The following OSBPL6 variants were observed in gnomAD, a reference collection of about 807,000 sequenced individuals.
OSBPL6 encodes oxysterol binding protein like 6.
OSBPL6 carries 49 observed loss-of-function variants against 125.8 expected under a neutral mutation model. The ratio of observed to expected loss-of-function variants is 0.39; its 90% CI spans 0.31 to 0.49. The LOEUF is 0.49. Among genes scored for constraint, OSBPL6 ranks in the 20% least tolerant of loss-of-function variants. The pLI, the probability that OSBPL6 is intolerant of heterozygous loss-of-function variation, is 0.88. For missense variants in OSBPL6, 986 were observed against 1,135.4 expected, an observed-to-expected ratio of 0.87 and a Z score of 1.89; for synonymous variants, 394 against 391.8, an observed-to-expected ratio of 1.01 and a Z score of -0.07.
At chr2:178,348,653 A>G (rs1690949829) in intron 11 of OSBPL6, among the ~76,000 whole-genome samples, 1 of 152,232 alleles carries the variant, frequency 6.6e-6, no homozygotes, top group South Asian at 2.1e-4. Context: ...TTTATATCAT[A>G]TATATTTCAT....
chr2:178,259,974 A>G (rs1046460149), intron 1 of OSBPL6, among the ~76,000 whole-genome samples: 2 of 152,178 alleles, frequency 1.3e-5, no homozygotes, highest in African/African-American at 4.8e-5. Flanking sequence ...CATAGCAGCG[A>G]TGGATGATAT....
intron 15 of OSBPL6, among the ~76,000 whole-genome samples, chr2:178,374,282 T>A (rs551904809): frequency 1.0e-3 from 152 of 152,306 alleles, no homozygotes; most frequent in Middle Eastern, 6.8e-3. Context: ...TTTATTGGAG[T>A]GTCTTCTATG....
At chr2:178,380,052 AAG>A (rs1277801450) in intron 15 of OSBPL6, among the ~76,000 whole-genome samples, 1 of 152,242 alleles carries the variant, frequency 6.6e-6, no homozygotes, top group Non-Finnish European at 1.5e-5. Context: ...GGCATAAACA[AAG>A]TTTAAAAATG....
Position 178,286,602 on chromosome 2 carries a change from T to A in OSBPL6, c.-156+1481T>A, listed in dbSNP as rs547168055. On this transcript the variant is annotated intron_variant, in intron 2 of 24. Coordinates refer to ENST00000190611, the MANE Select transcript of OSBPL6 (RefSeq NM_032523.4). ...TAAGGAGATCTAATTTTCATAGTGA[T>A]GTGCTCTGCATCATTTTTTCCAGAT... 2.6e-5 allele frequency among the ~76,000 whole-genome samples: 4 copies of A among 152,340 alleles called. No homozygotes were observed. In the South Asian group the frequency reaches 8.3e-4, roughly 32 times the overall value.
rs371565888 is a variant in OSBPL6 at position 178,333,052 on chromosome 2, G to A, written c.657+11G>A. On this transcript the variant is annotated intron_variant, in intron 8 of 24. Transcript: ENST00000190611. ...GTAATGGATGGAAAGGTATGACTTT[G>A]TTCTATAAAAACCAGCCTGAAAATT... 107 of 1,612,084 alleles carry A rather than the reference G, an allele frequency of 6.6e-5. No homozygotes were observed. Among genetic ancestry groups the A allele is most frequent in the Non-Finnish European group, 8.5e-5 (100 of 1,179,244 alleles).
chr2:178,327,246 G>T (rs868772575), intron 4 of OSBPL6, among the ~76,000 whole-genome samples: 137 of 152,298 alleles, frequency 9.0e-4, no homozygotes, highest in African/African-American at 3.0e-3. Context: ...AACTTGCAAA[G>T]ATCTGCACTT....
In OSBPL6 at chr2:178,386,751, C is replaced by CACT. The variant is rs199778280; in HGVS notation, c.2078-310_2078-309insACT. Among the ~76,000 whole-genome samples, 11 of 151,346 alleles carry CACT rather than the reference C, an allele frequency of 7.3e-5. No homozygotes were observed. In the East Asian group the frequency reaches 1.5e-3, roughly 21 times the overall value. Reference sequence around the variant, plus strand: ...CACACACACACACACACACACACACCGCACACACACTGTTCCAGGCTTCTC... The same window carrying CACT: ...CACACACACACACACACACACACACCACTGCACACACACTGTTCCAGGCTTCTC... On this transcript the variant is annotated intron_variant, in intron 19 of 24. Transcript: ENST00000190611.
At chr2:178,329,029 A>G (rs1204504021) in intron 5 of OSBPL6, among the ~76,000 whole-genome samples, 1 of 152,208 alleles carries the variant, frequency 6.6e-6, no homozygotes, top group Non-Finnish European at 1.5e-5. Context: ...GGATGGATCT[A>G]TATTATATAT....
chr2:178,264,714 G>C (rs1316195238), intron 1 of OSBPL6, among the ~76,000 whole-genome samples: 1 of 152,150 alleles, frequency 6.6e-6, no homozygotes, highest in Non-Finnish European at 1.5e-5. Context: ...CATTTGTATA[G>C]ACCTCAAAGG....
intron 1 of OSBPL6, among the ~76,000 whole-genome samples, chr2:178,228,809 A>G (rs531530780): frequency 6.6e-6 from 1 of 152,332 alleles, no homozygotes; most frequent in East Asian, 1.9e-4. Flanking sequence ...TACTTGATCT[A>G]TATTTAGATT....
rs1695660469 is a variant in OSBPL6, at chr2:178,394,246, C to A, written c.2574-67C>A. The A allele has an allele frequency of 3.2e-6, 5 of 1,571,118 alleles. No individual in the cohort carries two copies. The Admixed American group carries it at 9.7e-5, about 30-fold the overall frequency. Reference sequence around the variant, plus strand: ...ATAGCAATTAGAAAACAATTTTGTGCAAATGAGGTTTTTTTTCCCCCAGAA... The same window carrying A: ...ATAGCAATTAGAAAACAATTTTGTGAAAATGAGGTTTTTTTTCCCCCAGAA... On this transcript the variant is annotated intron_variant, in intron 23 of 24. Coordinates refer to ENST00000190611, the MANE Select transcript of OSBPL6 (RefSeq NM_032523.4).
At position 178,395,771 on chromosome 2, in the gene OSBPL6, TTAAAA is replaced by T; in HGVS notation, c.*213_*217del. The T allele has an allele frequency of 1.0e-5, 3 of 291,048 alleles. No homozygotes were observed. The African/African-American group carries it at 1.2e-4, about 12-fold the overall frequency. 18.0% of individuals were successfully genotyped at this position (291,048 alleles called of 1,614,324 possible). Reference sequence around the variant, plus strand: ...TTCTGTTTTGCTGCAACCATATTCCTTAAAAAAAAAAAAAAAAAAAAAAAAAAAAT... The same window carrying T: ...TTCTGTTTTGCTGCAACCATATTCCTAAAAAAAAAAAAAAAAAAAAAAAAT... On this transcript the variant is annotated 3_prime_UTR_variant, in exon 25 of 25. Coordinates refer to ENST00000190611, the MANE Select transcript of OSBPL6 (RefSeq NM_032523.4).
intron 1 of OSBPL6, among the ~76,000 whole-genome samples, chr2:178,257,850 C>T (rs2091935074): frequency 6.6e-6 from 1 of 150,494 alleles, no homozygotes. Flanking sequence ...GACCGGAGTG[C>T]AGTGGCACAA....
intron 1 of OSBPL6, among the ~76,000 whole-genome samples, chr2:178,233,912 T>C (rs1252988798): frequency 6.6e-6 from 1 of 152,204 alleles, no homozygotes; most frequent in East Asian, 1.9e-4. Context: ...GACACAATTC[T>C]AGAGACACTG....
chr2:178,250,671 C>A (rs1489241813), intron 1 of OSBPL6, among the ~76,000 whole-genome samples: 1 of 152,198 alleles, frequency 6.6e-6, no homozygotes, highest in Non-Finnish European at 1.5e-5. Context: ...CATTCTCCAA[C>A]TGAACGACTT....
At chr2:178,325,047 C>T (rs1175504779) in intron 4 of OSBPL6, among the ~76,000 whole-genome samples, 1 of 152,206 alleles carries the variant, frequency 6.6e-6, no homozygotes, top group Non-Finnish European at 1.5e-5. Context: ...GTTCCCTCCC[C>T]TTCAGCCTGC....
intron 1 of OSBPL6, among the ~76,000 whole-genome samples, chr2:178,271,439 T>A (rs961811439): frequency 6.6e-6 from 1 of 152,108 alleles, no homozygotes; most frequent in African/African-American, 2.4e-5. Context: ...AAGAACTGAC[T>A]CAAAGAGAAA....
intron 2 of OSBPL6, among the ~76,000 whole-genome samples, chr2:178,300,781 C>T (rs1686204307): frequency 6.6e-6 from 1 of 152,170 alleles, no homozygotes; most frequent in Admixed American, 6.5e-5. Flanking sequence ...CTGTCACTTA[C>T]AGACTGTAGA....
chr2:178,235,943 T>C (rs1452583569), intron 1 of OSBPL6, among the ~76,000 whole-genome samples: 1 of 152,236 alleles, frequency 6.6e-6, no homozygotes, highest in Non-Finnish European at 1.5e-5. Flanking sequence ...AATTTTTGTT[T>C]TATTTTTACG....
Sources: gnomAD v4.1 joint callset for allele counts (sites outside exome capture counted in the v4.1 genomes callset) on GRCh38, gnomAD v4.1.1 for gene constraint, MANE v1.5 for transcripts, NCBI Gene and HGNC (gene_info 2026-07-23, HGNC 2026-07-21) for gene names.